TMEM178B: variants seen among roughly 807,000 people sequenced by gnomAD.
TMEM178B encodes transmembrane protein 178B.
A neutral mutation model predicts 31.0 loss-of-function variants in TMEM178B; 5 were observed. The observed-to-expected ratio is 0.16, with a 90% CI of 0.08 to 0.34. The LOEUF (loss-of-function observed/expected upper bound fraction) is 0.34, where lower values mean the gene tolerates loss of function less well. TMEM178B is among the 10% of genes least tolerant of loss of function. The pLI, the probability that TMEM178B is intolerant of heterozygous loss-of-function variation, is 1.00. For synonymous variants in TMEM178B, 164 were observed against 164.0 expected (o/e 1.00, Z 0.00); for missense variants, 275 against 400.3 (o/e 0.69, Z 2.67).
intron 2 of TMEM178B, among the ~76,000 whole-genome samples, chr7:141,227,875 A>C (rs866079663): frequency 6.6e-6 from 1 of 152,224 alleles, no homozygotes; most frequent in Non-Finnish European, 1.5e-5. Flanking sequence ...AAAGGATCGT[A>C]GTGACTGTCT....
At chr7:141,346,172 G>A (rs1341628355) in intron 2 of TMEM178B, among the ~76,000 whole-genome samples, 1 of 151,842 alleles carries the variant, frequency 6.6e-6, no homozygotes, top group East Asian at 1.9e-4. Flanking sequence ...AGTGAGCCAA[G>A]ATCATGCCAC....
chr7:141,354,178 G>A (rs1321618216), intron 2 of TMEM178B, among the ~76,000 whole-genome samples: 2 of 152,158 alleles, frequency 1.3e-5, no homozygotes, highest in Non-Finnish European at 2.9e-5. Flanking sequence ...TCTGCAACTC[G>A]TAAAGTCTCC....
In TMEM178B at chr7:141,074,116, T is replaced by G; in HGVS notation, c.-195T>G. 1.3e-6 allele frequency: 1 copy of G among 780,904 alleles called. No homozygotes were observed. 48.4% of individuals were successfully genotyped at this position (780,904 alleles called of 1,614,324 possible). A position where few individuals can be genotyped will look rare whatever the true frequency, so the allele number is the denominator to read the frequency against. ...CGCGGGAGCCTCTCCGGATCAGAACTTTTTAGGCCGCCCGCCCCCATCCCC... is the reference window on the plus strand; with the variant it reads ...CGCGGGAGCCTCTCCGGATCAGAACGTTTTAGGCCGCCCGCCCCCATCCCC... On this transcript the variant is annotated 5_prime_UTR_variant, in exon 1 of 4. Transcript: ENST00000565468. This position sits in a 1 kb window ranked among gnomAD's most constrained non-coding sequence, Gnocchi z 5.1.
chr7:141,338,783 C>T (rs1490163863), intron 2 of TMEM178B, among the ~76,000 whole-genome samples: 3 of 152,194 alleles, frequency 2.0e-5, no homozygotes, highest in Non-Finnish European at 2.9e-5. Flanking sequence ...AATTCCACCT[C>T]TCACTGTCAA....
chr7:141,264,285 T>G (rs756299209), intron 2 of TMEM178B, among the ~76,000 whole-genome samples: 1 of 152,218 alleles, frequency 6.6e-6, no homozygotes, highest in Admixed American at 6.5e-5. Context: ...TTCAAGGCCT[T>G]AGAGACGACC....
At chr7:141,371,655 C>T (rs1166162782) in intron 2 of TMEM178B, among the ~76,000 whole-genome samples, 1 of 152,182 alleles carries the variant, frequency 6.6e-6, no homozygotes, top group Non-Finnish European at 1.5e-5. Flanking sequence ...TCTGTGAGAA[C>T]AGAATGCATG....
chr7:141,221,647 G>A (rs1256702560), intron 2 of TMEM178B, among the ~76,000 whole-genome samples: 1 of 152,238 alleles, frequency 6.6e-6, no homozygotes, highest in Non-Finnish European at 1.5e-5. Context: ...GGTGTGCTAT[G>A]CCCAGAACAA....
chr7:141,313,790 G>A (rs1014685455), intron 2 of TMEM178B, among the ~76,000 whole-genome samples: 3 of 150,690 alleles, frequency 2.0e-5, no homozygotes, highest in African/African-American at 7.3e-5. Context: ...AAAAAATTCT[G>A]CATTTGCACT....
chr7:141,398,496 A>G (rs1800697254), intron 2 of TMEM178B, among the ~76,000 whole-genome samples: 1 of 152,088 alleles, frequency 6.6e-6, no homozygotes, highest in Non-Finnish European at 1.5e-5. Context: ...CCTCCTCTCC[A>G]CTTCTTTCCT....
chr7:141,487,151 C>T, the TMEM178B span, among the ~76,000 whole-genome samples: 1 of 152,124 alleles, frequency 6.6e-6, no homozygotes, highest in Non-Finnish European at 1.5e-5. Flanking sequence ...GGGGTTTTCA[C>T]CACACTGTGA....
chr7:141,118,658 A>C (rs917274538), intron 1 of TMEM178B, among the ~76,000 whole-genome samples: 3 of 152,016 alleles, frequency 2.0e-5, no homozygotes, highest in Non-Finnish European at 4.4e-5. Context: ...AATTTTGAAG[A>C]CTCTTTGCTA....
intron 2 of TMEM178B, among the ~76,000 whole-genome samples, chr7:141,244,316 C>G (rs1563129559): frequency 6.6e-6 from 1 of 152,130 alleles, no homozygotes; most frequent in African/African-American, 2.4e-5. Flanking sequence ...CCAAATGATA[C>G]TATGGCAAAT....
intron 1 of TMEM178B, among the ~76,000 whole-genome samples, chr7:141,211,562 T>G (rs1161490345): frequency 6.6e-6 from 1 of 152,128 alleles, no homozygotes; most frequent in East Asian, 1.9e-4. Flanking sequence ...CCTTTAAAAA[T>G]CACCCCTTTC....
chr7:141,215,211 T>C (rs1324524395), intron 2 of TMEM178B, among the ~76,000 whole-genome samples: 3 of 151,970 alleles, frequency 2.0e-5, no homozygotes, highest in African/African-American at 4.8e-5. Context: ...TGATCAAACA[T>C]TGGAAATGAA....
chr7:141,444,403 T>C (rs1801715830), intron 3 of TMEM178B, among the ~76,000 whole-genome samples: 1 of 152,232 alleles, frequency 6.6e-6, no homozygotes, highest in Non-Finnish European at 1.5e-5. Flanking sequence ...TTTGTCTCAA[T>C]AGAGCAGCAA....
intron 2 of TMEM178B, among the ~76,000 whole-genome samples, chr7:141,326,819 A>G (rs1476438472): frequency 6.6e-6 from 1 of 152,214 alleles, no homozygotes; most frequent in Non-Finnish European, 1.5e-5. Context: ...ACCTTCTGCA[A>G]CAATGCAAAT....
rs905548921 is a variant in TMEM178B, at chr7:141,310,699, C to T, written c.496+97995C>T. 3.0e-4 allele frequency among the ~76,000 whole-genome samples: 45 copies of T among 152,164 alleles called. 1 individual carries two copies. Among genetic ancestry groups the T allele is most frequent in the African/African-American group, 1.1e-3 (44 of 41,434 alleles). ...GACAAATAACGCTTTTACACTGTTG[C>T]TGGGAATGTAAATTAGTTCAACCAT... On this transcript the variant is annotated intron_variant, in intron 2 of 3. Coordinates refer to ENST00000565468, the MANE Select transcript of TMEM178B (RefSeq NM_001195278.2).
intron 1 of TMEM178B, among the ~76,000 whole-genome samples, chr7:141,187,358 T>A (rs1796627114): frequency 6.6e-6 from 1 of 152,094 alleles, no homozygotes; most frequent in South Asian, 2.1e-4. Flanking sequence ...ACATTTAGGT[T>A]GGTTCCAAGT....
At chr7:141,227,844 C>G (rs184843403) in intron 2 of TMEM178B, among the ~76,000 whole-genome samples, 182 of 152,332 alleles carry the variant, frequency 1.2e-3, no homozygotes, top group Non-Finnish European at 2.2e-3. Flanking sequence ...GCTTCTGTGG[C>G]TGTTTTCTAA....
Sources: allele counts gnomAD v4.1 joint callset (sites outside exome capture counted in the v4.1 genomes callset), GRCh38; gene constraint gnomAD v4.1.1; non-coding constraint Gnocchi (gnomAD v3.1); transcripts MANE v1.5; gene names NCBI Gene and HGNC (gene_info 2026-07-23, HGNC 2026-07-21).